Variants in CSMD1 observed in about 807,000 individuals in gnomAD.
The protein encoded by CSMD1 is CUB and Sushi multiple domains 1.
CSMD1 carries 213 observed loss-of-function variants against 417.5 expected under a neutral mutation model. The ratio of observed to expected loss-of-function variants is 0.51; its 90% CI spans 0.46 to 0.57. The LOEUF (loss-of-function observed/expected upper bound fraction) is 0.57, where lower values mean the gene tolerates loss of function less well. CSMD1 is among the 20% of genes least tolerant of loss of function. The probability of loss-of-function intolerance (pLI) is 0.00; values close to 1 mark genes in which losing one functional copy is unlikely to be tolerated. For synonymous variants in CSMD1, 2,862 were observed against 1,736.8 expected (o/e 1.65, Z -16.11); for missense variants, 6,923 against 4,529.7 (o/e 1.53, Z -15.17).
intron 42 of CSMD1, 73 bp downstream of exon 42, chr8:3,118,326 G>A (rs547190889): frequency 1.2e-5 from 13 of 1,050,708 alleles, no homozygotes; most frequent in African/African-American, 3.3e-5. Flanking sequence ...TACTGGATAT[G>A]TTCATTTAAT....
chr8:3,881,608 CA>C (rs370466578), intron 5 of CSMD1, among the ~76,000 whole-genome samples: 27,696 of 102,318 alleles, frequency 0.27, 2,806 homozygotes, highest in East Asian at 0.37. Context: ...GACTCCATCT[CA>C]AAAAAAAAAA....
At chr8:4,805,248 C>T (rs1188758622) in intron 1 of CSMD1, among the ~76,000 whole-genome samples, 1 of 152,168 alleles carries the variant, frequency 6.6e-6, no homozygotes, top group Non-Finnish European at 1.5e-5. Flanking sequence ...TGTATTGCAC[C>T]TGTCCATCTC....
intron 50 of CSMD1, among the ~76,000 whole-genome samples, chr8:3,038,129 A>C (rs1810819610): frequency 6.7e-6 from 1 of 149,950 alleles, no homozygotes; most frequent in Admixed American, 6.7e-5. Flanking sequence ...ATGTTAAATA[A>C]ATAGTGTTCC....
intron 3 of CSMD1, among the ~76,000 whole-genome samples, chr8:4,253,374 AT>A (rs35703387): frequency 1.3e-5 from 2 of 152,030 alleles, no homozygotes; most frequent in Non-Finnish European, 2.9e-5. Context: ...ATTTAAATGC[AT>A]TTTTTTCATT....
chr8:4,547,880 A>C (rs530013558), intron 2 of CSMD1, among the ~76,000 whole-genome samples: 117 of 152,286 alleles, frequency 7.7e-4, no homozygotes, highest in African/African-American at 2.6e-3. Flanking sequence ...TCCCAGAAGA[A>C]ATCTGAGCAA....
intron 3 of CSMD1, among the ~76,000 whole-genome samples, chr8:4,160,766 T>C (rs1317624019): frequency 1.3e-5 from 2 of 152,240 alleles, no homozygotes; most frequent in Non-Finnish European, 2.9e-5. Flanking sequence ...TCAGTCACAC[T>C]TGGATGAAAG....
chr8:3,156,078 G>A (rs924619382), intron 39 of CSMD1, among the ~76,000 whole-genome samples: 3 of 152,182 alleles, frequency 2.0e-5, no homozygotes, highest in African/African-American at 2.4e-5. Context: ...ACCACACTAC[G>A]CCGAAATGAA....
chr8:4,799,631 A>C lies in CSMD1; in HGVS notation c.86-162073T>G, dbSNP rs897540925. Among the ~76,000 whole-genome samples, 10 of 141,400 alleles carry C rather than the reference A, an allele frequency of 7.1e-5. No homozygotes were observed. In the East Asian group the frequency reaches 1.9e-3, roughly 26 times the overall value. 92.8% of individuals were successfully genotyped at this position (141,400 alleles called of 152,430 possible). ...AAAAAAAAAAAAAAAAAAAAAAAGTAATCCCTGGGCACTCACACAAGTATC... is the reference window on the plus strand; with the variant it reads ...AAAAAAAAAAAAAAAAAAAAAAAGTCATCCCTGGGCACTCACACAAGTATC... On this transcript the variant is annotated intron_variant, in intron 1 of 69. Transcript: ENST00000635120.
chr8:3,060,898 T>C (rs559974435), intron 49 of CSMD1, among the ~76,000 whole-genome samples: 18 of 152,312 alleles, frequency 1.2e-4, no homozygotes, highest in African/African-American at 4.3e-4. Flanking sequence ...CATTCCTCTC[T>C]CCGGAGGAGA....
At position 4,148,855 on chromosome 8, in the gene CSMD1, G is replaced by C. The variant is rs573931466; in HGVS notation, c.416-116756C>G. On this transcript the variant is annotated intron_variant, in intron 3 of 69. Coordinates refer to ENST00000635120, the MANE Select transcript of CSMD1 (RefSeq NM_033225.6). ...TGCCTTTGGCTTGTGTCCTGGGAAAGATGGCACATGGTCGAGAGACACAGC... is the reference window on the plus strand; with the variant it reads ...TGCCTTTGGCTTGTGTCCTGGGAAACATGGCACATGGTCGAGAGACACAGC... Among the ~76,000 whole-genome samples, 27 of 152,310 alleles carry C rather than the reference G, an allele frequency of 1.8e-4. No individual in the cohort carries two copies. In the South Asian group the frequency reaches 5.0e-3, roughly 28 times the overall value.
chr8:4,005,200 G>C (rs1220309407), intron 4 of CSMD1, among the ~76,000 whole-genome samples: 2 of 152,140 alleles, frequency 1.3e-5, no homozygotes, highest in African/African-American at 4.8e-5. Flanking sequence ...ATACTGCACA[G>C]GTGGTGGGTG....
chr8:3,968,109 C>T (rs998733877), intron 5 of CSMD1, among the ~76,000 whole-genome samples: 6 of 151,670 alleles, frequency 4.0e-5, no homozygotes, highest in African/African-American at 1.5e-4. Flanking sequence ...ATGGCGTGAA[C>T]CCGGGAGGCA....
chr8:3,970,567 A>C (rs566637281), intron 5 of CSMD1, among the ~76,000 whole-genome samples: 12 of 152,300 alleles, frequency 7.9e-5, no homozygotes, highest in African/African-American at 2.9e-4. Context: ...TTTGCAACGG[A>C]AATGTTGTTA....
chr8:4,312,574 A>C (rs1457281513), intron 3 of CSMD1, among the ~76,000 whole-genome samples: 1 of 151,702 alleles, frequency 6.6e-6, no homozygotes, highest in African/African-American at 2.4e-5. Context: ...ATTTATGAGC[A>C]ACAGATGTAT....
At chr8:4,288,858 C>T (rs961763577) in intron 3 of CSMD1, among the ~76,000 whole-genome samples, 2 of 152,094 alleles carry the variant, frequency 1.3e-5, no homozygotes, top group Non-Finnish European at 2.9e-5. Flanking sequence ...TACCAGTATG[C>T]TATGAATTAT....
At chr8:4,008,651 C>T (rs1471224802) in intron 4 of CSMD1, among the ~76,000 whole-genome samples, 11 of 133,588 alleles carry the variant, frequency 8.2e-5, no homozygotes, top group African/African-American at 3.1e-4. Context: ...CGCTCTGTCG[C>T]CCAGGCTGGA....
At chr8:4,906,731 A>AT (rs904063492) in intron 1 of CSMD1, among the ~76,000 whole-genome samples, 17 of 151,580 alleles carry the variant, frequency 1.1e-4, no homozygotes, top group South Asian at 4.2e-4. Flanking sequence ...TAATTTTTGT[A>AT]TTTTTTTTAG....
intron 22 of CSMD1, 61 bp from the exon 23 acceptor site, chr8:3,343,511 G>A: frequency 4.1e-6 from 6 of 1,448,876 alleles, no homozygotes; most frequent in Non-Finnish European, 5.7e-6. Flanking sequence ...TGTTAGCAAT[G>A]GTAATAAACA....
intron 22 of CSMD1, among the ~76,000 whole-genome samples, chr8:3,344,960 A>G (rs561420273): frequency 6.6e-6 from 1 of 152,334 alleles, no homozygotes; most frequent in East Asian, 1.9e-4. Flanking sequence ...CCATGTTTTT[A>G]TTAGACGAGC....
Sources: allele counts gnomAD v4.1 joint callset (sites outside exome capture counted in the v4.1 genomes callset), GRCh38; gene constraint gnomAD v4.1.1; transcripts MANE v1.5; gene names NCBI Gene and HGNC (gene_info 2026-07-23, HGNC 2026-07-21).